Variants in EPHB1 observed in about 807,000 individuals in gnomAD.
EPHB1 encodes ephrin type-B receptor 1.
A neutral mutation model predicts 94.4 loss-of-function variants in EPHB1; 30 were observed. The observed-to-expected ratio is 0.32, with a 90% CI of 0.24 to 0.43. EPHB1 has a LOEUF of 0.43. EPHB1 is among the 20% of genes least tolerant of loss of function. The pLI, the probability that EPHB1 is intolerant of heterozygous loss-of-function variation, is 1.00. For synonymous variants in EPHB1, 522 were observed against 489.1 expected, an observed-to-expected ratio of 1.07 and a Z score of -0.89; for missense variants, 1,055 against 1,308.3, an observed-to-expected ratio of 0.81 and a Z score of 2.99.
chr3:134,799,251 C>T (rs2035889647), intron 1 of EPHB1, among the ~76,000 whole-genome samples: 1 of 152,200 alleles, frequency 6.6e-6, no homozygotes, highest in South Asian at 2.1e-4. Flanking sequence ...CTTCAACAGG[C>T]CACAAGGTGA....
intron 1 of EPHB1, among the ~76,000 whole-genome samples, chr3:134,802,413 C>A (rs554219689): frequency 6.6e-6 from 1 of 151,138 alleles, no homozygotes; most frequent in Non-Finnish European, 1.5e-5. Flanking sequence ...GGCATGGTGA[C>A]CCTTTGGCAA....
intron 9 of EPHB1, among the ~76,000 whole-genome samples, chr3:135,172,760 TACAAAAGGTGGC>T (rs1310689523): frequency 5.3e-5 from 8 of 152,224 alleles, no homozygotes; most frequent in African/African-American, 1.9e-4. Flanking sequence ...GTCTCCTTGG[TACAAAAGGTGGC>T]TGAGTTTACA....
intron 3 of EPHB1, among the ~76,000 whole-genome samples, chr3:135,057,750 AC>A (rs1405873558): frequency 6.6e-6 from 1 of 152,242 alleles, no homozygotes; most frequent in Non-Finnish European, 1.5e-5. Flanking sequence ...TATACTGCAT[AC>A]ATATGTGTAC....
intron 1 of EPHB1, among the ~76,000 whole-genome samples, chr3:134,901,486 A>G (rs375148564): frequency 2.0e-5 from 3 of 152,178 alleles, no homozygotes; most frequent in African/African-American, 7.2e-5. Flanking sequence ...TTCCCTGGAC[A>G]TCCTGCAAAC....
intron 11 of EPHB1, among the ~76,000 whole-genome samples, chr3:135,193,775 T>A (rs1157421805): frequency 1.3e-5 from 2 of 152,246 alleles, no homozygotes. Context: ...TTCTGGATGC[T>A]GTGCCTATAG....
chr3:134,800,380 G>C (rs542106670), intron 1 of EPHB1, among the ~76,000 whole-genome samples: 3 of 152,306 alleles, frequency 2.0e-5, no homozygotes, highest in Middle Eastern at 3.4e-3. Flanking sequence ...GTATCACTAA[G>C]GCTTAGATGT....
chr3:135,212,434 G>C (rs1415591998), intron 12 of EPHB1, among the ~76,000 whole-genome samples: 1 of 152,136 alleles, frequency 6.6e-6, no homozygotes, highest in Non-Finnish European at 1.5e-5. Flanking sequence ...GAACCAGAGT[G>C]TTGGTATTTT....
At chr3:135,220,206 A>C (rs1024184656) in intron 12 of EPHB1, among the ~76,000 whole-genome samples, 2 of 152,212 alleles carry the variant, frequency 1.3e-5, no homozygotes, top group Admixed American at 1.3e-4. Flanking sequence ...GCAAGGGGGA[A>C]AGAGAGCAGC....
intron 1 of EPHB1, among the ~76,000 whole-genome samples, chr3:134,906,048 A>G (rs1560290317): frequency 6.6e-6 from 1 of 152,210 alleles, no homozygotes; most frequent in African/African-American, 2.4e-5. Context: ...GAGCGCTCCC[A>G]TGGTGATGCG....
rs752078113 is a variant in EPHB1, at chr3:135,132,985, A to G, written c.1233A>G (p.Gly411=). The G allele has an allele frequency of 5.0e-6, 8 of 1,613,144 alleles. No individual in the cohort carries two copies. In the South Asian group the frequency reaches 8.8e-5, roughly 18 times the overall value. ...PYTFDIQAIN[G]VSSKSPFPPQ... Reference sequence around the variant, plus strand: ...CCTTTGACATCCAGGCCATCAATGGAGTCTCCAGCAAGAGTCCCTTCCCCC... The same window carrying G: ...CCTTTGACATCCAGGCCATCAATGGGGTCTCCAGCAAGAGTCCCTTCCCCC... The change falls in exon 5 of 16, where the codon GGA becomes GGG. Residue 411 remains glycine (G), a synonymous_variant. Coordinates refer to ENST00000398015, the MANE Select transcript of EPHB1 (RefSeq NM_004441.5).
intron 1 of EPHB1, among the ~76,000 whole-genome samples, chr3:134,898,231 A>G (rs2038124737): frequency 6.6e-6 from 1 of 152,142 alleles, no homozygotes; most frequent in Non-Finnish European, 1.5e-5. Flanking sequence ...ACACTTTTAT[A>G]TTCATCTCAT....
At chr3:134,835,417 G>T (rs1425919395) in intron 1 of EPHB1, among the ~76,000 whole-genome samples, 1 of 152,220 alleles carries the variant, frequency 6.6e-6, no homozygotes, top group African/African-American at 2.4e-5. Context: ...GAGGAACACA[G>T]GCATATGCAC....
chr3:135,195,016 T>C (rs1942559960), intron 11 of EPHB1, among the ~76,000 whole-genome samples: 1 of 152,200 alleles, frequency 6.6e-6, no homozygotes, highest in Non-Finnish European at 1.5e-5. Flanking sequence ...TCATTTATTA[T>C]CAGAGATCTC....
intron 2 of EPHB1, among the ~76,000 whole-genome samples, chr3:134,934,545 C>T (rs1288108639): frequency 6.6e-6 from 1 of 151,794 alleles, no homozygotes; most frequent in Non-Finnish European, 1.5e-5. Flanking sequence ...ATGGTGCTTT[C>T]CTATGAGACT....
intron 12 of EPHB1, among the ~76,000 whole-genome samples, chr3:135,222,343 T>A (rs950544430): frequency 3.9e-5 from 6 of 152,226 alleles, no homozygotes; most frequent in African/African-American, 1.4e-4. Flanking sequence ...TTCTGTTCCA[T>A]GCCTGTTTCT....
chr3:134,804,254 G>A (rs1156383251), intron 1 of EPHB1, among the ~76,000 whole-genome samples: 1 of 151,926 alleles, frequency 6.6e-6, no homozygotes, highest in Non-Finnish European at 1.5e-5. Context: ...TTTCTTATAT[G>A]GCAGTGGTAA....
At chr3:135,249,832 T>C (rs761781733) in intron 15 of EPHB1, among the ~76,000 whole-genome samples, 7 of 149,008 alleles carry the variant, frequency 4.7e-5, no homozygotes, top group Non-Finnish European at 8.9e-5. Context: ...GTACTTTAAA[T>C]AACAGCAGGA....
chr3:134,989,835 G>T (rs1274448276), intron 3 of EPHB1, among the ~76,000 whole-genome samples: 1 of 152,068 alleles, frequency 6.6e-6, no homozygotes, highest in East Asian at 1.9e-4. Flanking sequence ...GAAACAATGA[G>T]ATTTAAATCA....
At chr3:135,212,961 C>A (rs1156761411) in intron 12 of EPHB1, among the ~76,000 whole-genome samples, 1 of 152,222 alleles carries the variant, frequency 6.6e-6, no homozygotes, top group Non-Finnish European at 1.5e-5. Context: ...GTACTTAAGA[C>A]CTCTCTACTC....
Sources: gnomAD v4.1 joint callset for allele counts (sites outside exome capture counted in the v4.1 genomes callset) on GRCh38, gnomAD v4.1.1 for gene constraint, MANE v1.5 for transcripts, NCBI Gene and HGNC (gene_info 2026-07-23, HGNC 2026-07-21) for gene names.